The following TRIO variants were observed in gnomAD, a reference collection of about 807,000 sequenced individuals.
The protein encoded by TRIO is trio Rho guanine nucleotide exchange factor, also known as triple functional domain protein.
A neutral mutation model predicts 351.9 loss-of-function variants in TRIO; 58 were observed. The observed-to-expected ratio is 0.16, with a 90% confidence interval of 0.13 to 0.21. The LOEUF (loss-of-function observed/expected upper bound fraction) is 0.21. Ranked by LOEUF, TRIO falls within the 10% of genes least tolerant of loss-of-function variation. The pLI, the probability that TRIO is intolerant of heterozygous loss-of-function variation, is 1.00. For missense variants in TRIO, 3,201 were observed against 4,027.8 expected (o/e 0.79, Z 5.56); for synonymous variants, 1,758 against 1,595.7 (o/e 1.10, Z -2.42).
At chr5:14,248,770 G>A (rs1270451117) in intron 1 of TRIO, among the ~76,000 whole-genome samples, 1 of 152,208 alleles carries the variant, frequency 6.6e-6, no homozygotes, top group Non-Finnish European at 1.5e-5. Context: ...GGTGCTCAGT[G>A]CTTTACAGAC....
intron 34 of TRIO, among the ~76,000 whole-genome samples, chr5:14,459,831 T>C (rs867533293): frequency 3.9e-5 from 6 of 152,322 alleles, no homozygotes; most frequent in Middle Eastern, 3.4e-3. Context: ...TGAGATCCAA[T>C]GAGAAGCTGG....
At position 14,286,382 on chromosome 5, in the gene TRIO, G is replaced by A. The variant is rs938461400; in HGVS notation, c.348-489G>A. Among the ~76,000 whole-genome samples the A allele has an allele frequency of 3.3e-5, 5 of 152,104 alleles. No homozygotes were observed. The highest frequency in any genetic ancestry group is 1.2e-4 in the African/African-American group (5 of 41,412). On this transcript the variant is annotated intron_variant, in intron 3 of 56. Coordinates refer to ENST00000344204, the MANE Select transcript of TRIO (RefSeq NM_007118.4). This position sits in a 1 kb window ranked among gnomAD's most constrained non-coding sequence, Gnocchi z 4.4. ...TCATCATTGCCAGCCATGCTAGTGGGGGGTCATTTTCAGCACCTGGGGTGC... is the reference window on the plus strand; with the variant it reads ...TCATCATTGCCAGCCATGCTAGTGGAGGGTCATTTTCAGCACCTGGGGTGC...
chr5:14,480,192 A>C (rs1315390524), intron 43 of TRIO, among the ~76,000 whole-genome samples, 181 bp downstream of exon 43: 1 of 151,948 alleles, frequency 6.6e-6, no homozygotes, highest in Admixed American at 6.6e-5. Context: ...AGGTGGCGGG[A>C]CAGACTCTGG....
intron 52 of TRIO, 69 bp from the exon 53 acceptor site, chr5:14,498,450 A>C: frequency 6.4e-7 from 1 of 1,563,502 alleles, no homozygotes; most frequent in Non-Finnish European, 8.7e-7. Flanking sequence ...ATCCTGAAGG[A>C]GGAGGCCAGC....
At position 14,430,216 on chromosome 5, in the gene TRIO, CAAA is replaced by C. The variant is rs139833933; in HGVS notation, c.5203+10212_5203+10214del. ...TTTTTTAATTTTTTTACCCAAATAG[CAAA>C]AAAAAAAAAAAAAAAATTGTCCTTT... On this transcript the variant is annotated intron_variant, in intron 34 of 56. Transcript: ENST00000344204. 1.9e-3 allele frequency among the ~76,000 whole-genome samples: 222 copies of C among 118,510 alleles called. 1 individual carries two copies. Among genetic ancestry groups the C allele is most frequent in the African/African-American group, 6.4e-3 (207 of 32,446 alleles). 77.7% of individuals were successfully genotyped at this position (118,510 alleles called of 152,430 possible).
chr5:14,369,263 A>T, intron 17 of TRIO, 111 bp from the exon 18 acceptor site: 2 of 1,440,700 alleles, frequency 1.4e-6, no homozygotes, highest in South Asian at 1.4e-5. Context: ...TATGGTCTTG[A>T]TCCTCCTGAC....
At chr5:14,380,135 CT>C (rs1745941331) in intron 20 of TRIO, among the ~76,000 whole-genome samples, 1 of 152,226 alleles carries the variant, frequency 6.6e-6, no homozygotes. Flanking sequence ...CAGTTACATC[CT>C]TGACATCACT....
intron 1 of TRIO, among the ~76,000 whole-genome samples, chr5:14,161,983 T>G (rs1788485114): frequency 6.6e-6 from 1 of 152,186 alleles, no homozygotes; most frequent in Non-Finnish European, 1.5e-5. Flanking sequence ...CCTCCTGAAG[T>G]GCTGGGATTC....
intron 26 of TRIO, 118 bp downstream of exon 26, chr5:14,390,418 G>C (rs1746965108): frequency 2.1e-6 from 2 of 932,226 alleles, no homozygotes; most frequent in South Asian, 1.6e-5. Flanking sequence ...CATGCTTGCG[G>C]AGAAATAGAC....
intron 1 of TRIO, among the ~76,000 whole-genome samples, chr5:14,156,777 A>G: frequency 6.6e-6 from 1 of 152,218 alleles, no homozygotes; most frequent in East Asian, 1.9e-4. Flanking sequence ...TGTTCAGCTC[A>G]GTGCCTTGTC....
chr5:14,190,729 A>G lies in TRIO; in HGVS notation c.157+46847A>G, dbSNP rs575679156. Among the ~76,000 whole-genome samples the G allele has an allele frequency of 3.9e-5, 6 of 152,248 alleles. No individual in the cohort carries two copies. The South Asian group carries it at 1.2e-3, about 32-fold the overall frequency. On this transcript the variant is annotated intron_variant, in intron 1 of 56. Transcript: ENST00000344204. ...GAGCTTCTGGTCCTTTGCAAATACC[A>G]TGCTGTCCTGTCTTAAAAGAGCTGA...
At chr5:14,407,049 G>A (rs1219960006) in intron 33 of TRIO, among the ~76,000 whole-genome samples, 1 of 152,076 alleles carries the variant, frequency 6.6e-6, no homozygotes, top group Non-Finnish European at 1.5e-5. Context: ...CTTTAAGATG[G>A]ACAGCACCCT....
chr5:14,446,103 C>T (rs1053370385), intron 34 of TRIO, among the ~76,000 whole-genome samples: 2 of 152,222 alleles, frequency 1.3e-5, no homozygotes, highest in African/African-American at 2.4e-5. Flanking sequence ...TCCATCTCCG[C>T]GCTTGCTTTG....
intron 20 of TRIO, among the ~76,000 whole-genome samples, chr5:14,380,339 G>C (rs949521643): frequency 2.8e-5 from 4 of 142,744 alleles, no homozygotes; most frequent in Non-Finnish European, 4.6e-5. Flanking sequence ...CTCCTCCTTC[G>C]CTCCTCGCTC....
At chr5:14,352,876 G>A (rs1322017436) in intron 11 of TRIO, among the ~76,000 whole-genome samples, 4 of 104,332 alleles carry the variant, frequency 3.8e-5, no homozygotes, top group East Asian at 2.5e-4. Flanking sequence ...CGGGGAATAC[G>A]CTAGTTTTTG....
At chr5:14,355,091 G>A (rs922238679) in intron 11 of TRIO, among the ~76,000 whole-genome samples, 1 of 152,218 alleles carries the variant, frequency 6.6e-6, no homozygotes. Context: ...TGCTTTGGGA[G>A]TGAGTGGGCA....
chr5:14,243,617 C>T (rs1435425236), intron 1 of TRIO, among the ~76,000 whole-genome samples: 1 of 151,954 alleles, frequency 6.6e-6, no homozygotes, highest in African/African-American at 2.4e-5. Context: ...AAAATTATTC[C>T]ATAGGAGGGT....
At chr5:14,332,839 A>G (rs1187701463) in intron 10 of TRIO, among the ~76,000 whole-genome samples, 1 of 152,210 alleles carries the variant, frequency 6.6e-6, no homozygotes, top group Non-Finnish European at 1.5e-5. Context: ...GAATACATGT[A>G]GAAATGCCTG....
chr5:14,239,173 A>G lies in TRIO; in HGVS notation c.158-31652A>G, dbSNP rs139068584. 6.0e-4 allele frequency among the ~76,000 whole-genome samples: 91 copies of G among 152,292 alleles called. No homozygotes were observed. The East Asian group carries it at 0.013, about 22-fold the overall frequency. Reference sequence around the variant, plus strand: ...AATACCAGGAATAATTTCAGAATATATAAGTGGTATTCTGACCTGTTATGC... The same window carrying G: ...AATACCAGGAATAATTTCAGAATATGTAAGTGGTATTCTGACCTGTTATGC... On this transcript the variant is annotated intron_variant, in intron 1 of 56. Coordinates refer to ENST00000344204, the MANE Select transcript of TRIO (RefSeq NM_007118.4).
Sources: allele counts gnomAD v4.1 joint callset (sites outside exome capture counted in the v4.1 genomes callset), GRCh38; gene constraint gnomAD v4.1.1; non-coding constraint Gnocchi (gnomAD v3.1); transcripts MANE v1.5; gene names NCBI Gene and HGNC (gene_info 2026-07-23, HGNC 2026-07-21).